Variants in AFDN observed in about 807,000 individuals in gnomAD.
AFDN encodes afadin.
Under a neutral mutation model 216.6 loss-of-function variants are expected in AFDN, and 68 were observed. That is an observed-to-expected ratio of 0.31 (90% CI 0.26 to 0.38). The LOEUF (loss-of-function observed/expected upper bound fraction) is 0.38. Ranked by LOEUF, AFDN falls within the 10% of genes least tolerant of loss-of-function variation. AFDN has a pLI of 1.00. For missense variants in AFDN, 2,136 were observed against 2,342.0 expected (o/e 0.91, Z 1.82); for synonymous variants, 868 against 853.7 (o/e 1.02, Z -0.29).
rs924558685 is a variant in AFDN, at chr6:167,951,039, T to G, written c.3832-147T>G. The G allele has an allele frequency of 7.2e-5, 89 of 1,227,980 alleles. 1 individual carries two copies. Among genetic ancestry groups the G allele is most frequent in the African/African-American group, 6.1e-4 (40 of 65,346 alleles). 76.1% of individuals were successfully genotyped at this position (1,227,980 alleles called of 1,614,324 possible). On this transcript the variant is annotated intron_variant, in intron 29 of 33. Coordinates refer to ENST00000683244, the MANE Select transcript of AFDN (RefSeq NM_001386888.1). This position sits in a 1 kb window ranked among gnomAD's most constrained non-coding sequence, Gnocchi z 7.1. Reference sequence around the variant, plus strand: ...CAGATAAATGCACTGTTACTCCACATTAGCCAATGAGCCTTGTAGGGCAGT... The same window carrying G: ...CAGATAAATGCACTGTTACTCCACAGTAGCCAATGAGCCTTGTAGGGCAGT...
chr6:167,902,300 T>TGA lies in AFDN; in HGVS notation c.1581-17_1581-16insGA. The TGA allele has an allele frequency of 6.3e-7, 1 of 1,593,868 alleles. No homozygotes were observed. The highest frequency in any genetic ancestry group is 8.6e-7 in the Non-Finnish European group (1 of 1,162,266). Reference sequence around the variant, plus strand: ...GAATGTTATTAAGTCAGTGTGTTTCTTGTTTTATCCCATCAGAATTGTTCA... The same window carrying TGA: ...GAATGTTATTAAGTCAGTGTGTTTCTGATGTTTTATCCCATCAGAATTGTTCA... On this transcript the variant is annotated splice_polypyrimidine_tract_variant and intron_variant, in intron 11 of 33. Transcript: ENST00000683244.
At position 167,943,825 on chromosome 6, in the gene AFDN, CA is replaced by C. The variant is rs1054299537; in HGVS notation, c.3240-112del. Reference sequence around the variant, plus strand: ...CTGTCTGGAAGTCAGAACCATTACTCAAAATAATAGATGAAGCTGTGTAACA... The same window carrying C: ...CTGTCTGGAAGTCAGAACCATTACTCAAATAATAGATGAAGCTGTGTAACA... On this transcript the variant is annotated intron_variant, in intron 25 of 33. Transcript: ENST00000683244. The C allele has an allele frequency of 5.5e-6, 5 of 913,074 alleles. No individual in the cohort carries two copies. The Admixed American group carries it at 8.7e-5, about 16-fold the overall frequency. The allele number at this position is 913,074 out of a possible 1,614,324, so 56.6% of individuals were successfully genotyped here. A position where few individuals can be genotyped will look rare whatever the true frequency, so the allele number is the denominator to read the frequency against.
At chr6:167,947,379 C>G (rs931933387) in intron 27 of AFDN, among the ~76,000 whole-genome samples, 5 of 152,074 alleles carry the variant, frequency 3.3e-5, no homozygotes, top group African/African-American at 9.7e-5. Context: ...CGGGGTTTCA[C>G]CATGTTAGCC....
rs140128554 is a variant in AFDN, at chr6:167,951,572, G to A, written c.4218G>A (p.Leu1406=). 3.1e-6 allele frequency: 5 copies of A among 1,613,834 alleles called. No homozygotes were observed. The African/African-American group carries it at 6.7e-5, about 22-fold the overall frequency. ...PPPPSANQIG[L]PSAQVAAAER... Reference sequence around the variant, plus strand: ...CCCCTTCCGCCAACCAGATAGGGCTGCCGTCTGCGCAGGTGGCTGCTGCTG... The same window carrying A: ...CCCCTTCCGCCAACCAGATAGGGCTACCGTCTGCGCAGGTGGCTGCTGCTG... Residue 1406 remains leucine (L), a synonymous_variant, in exon 30 of 34, where the codon CTG becomes CTA. Transcript: ENST00000683244. This position sits in a 1 kb window ranked among gnomAD's most constrained non-coding sequence, Gnocchi z 7.1.
chr6:167,952,616 C>CT, intron 30 of AFDN: 3 of 490,122 alleles, frequency 6.1e-6, no homozygotes, highest in Non-Finnish European at 7.9e-6. Context: ...GCTGTTGTAG[C>CT]ACAAAAGCAG....
chr6:167,863,285 G>A (rs1412956166), intron 1 of AFDN, among the ~76,000 whole-genome samples: 2 of 152,188 alleles, frequency 1.3e-5, no homozygotes, highest in Non-Finnish European at 2.9e-5. Context: ...CTGGTTCCAA[G>A]CATTTTGAAT....
chr6:167,963,729 T>C, intron 31 of AFDN: 1 of 1,061,752 alleles, frequency 9.4e-7, no homozygotes, highest in Non-Finnish European at 1.1e-6. Flanking sequence ...CTCAAAGAGT[T>C]TGAGCTTTCA....
At chr6:167,856,066 A>G (rs1440650073) in intron 1 of AFDN, among the ~76,000 whole-genome samples, 1 of 152,172 alleles carries the variant, frequency 6.6e-6, no homozygotes, top group African/African-American at 2.4e-5. Flanking sequence ...CGGGATGTGA[A>G]TCATCCCTTT....
chr6:167,947,043 C>T, intron 27 of AFDN, 142 bp downstream of exon 27: 1 of 686,946 alleles, frequency 1.5e-6, no homozygotes, highest in Non-Finnish European at 2.3e-6. Flanking sequence ...TAAGGGATAT[C>T]ATAAGTAACA....
intron 8 of AFDN, among the ~76,000 whole-genome samples, chr6:167,891,519 A>G (rs1431831653): frequency 6.6e-6 from 1 of 151,856 alleles, no homozygotes; most frequent in African/African-American, 2.4e-5. Flanking sequence ...TAAGAAACCC[A>G]TCTTAGTAAG....
intron 5 of AFDN, among the ~76,000 whole-genome samples, chr6:167,877,290 AAAGTGCTGGT>A (rs1338562731): frequency 6.6e-6 from 1 of 152,210 alleles, no homozygotes; most frequent in Non-Finnish European, 1.5e-5. Flanking sequence ...TTTGTCACAT[AAAGTGCTGGT>A]AGGATATGGG....
At chr6:167,835,021 A>C (rs571922737) in intron 1 of AFDN, among the ~76,000 whole-genome samples, 1 of 152,254 alleles carries the variant, frequency 6.6e-6, no homozygotes, top group East Asian at 1.9e-4. Flanking sequence ...TTGCACTTTG[A>C]ATGGTTCTTT....
intron 23 of AFDN, among the ~76,000 whole-genome samples, chr6:167,927,640 TGCGTGGGGCA>T (rs1173303877): frequency 1.3e-5 from 2 of 152,140 alleles, no homozygotes; most frequent in Non-Finnish European, 2.9e-5. Context: ...TTGAAGGTGA[TGCGTGGGGCA>T]TAGTAAGCTG....
At chr6:167,960,721 C>T (rs1180686060) in intron 30 of AFDN, among the ~76,000 whole-genome samples, 6 of 152,176 alleles carry the variant, frequency 3.9e-5, no homozygotes, top group Non-Finnish European at 4.4e-5. Context: ...ATCCTTTGCT[C>T]TGGCCCCTGG....
Position 167,915,273 on chromosome 6 carries a change from A to G in AFDN, c.2405A>G (p.Asn802Ser), listed in dbSNP as rs780727621. 22 of 1,614,090 alleles carry G rather than the reference A, an allele frequency of 1.4e-5. No homozygotes were observed. The highest frequency in any genetic ancestry group is 1.3e-5 in the African/African-American group (1 of 74,918). The change falls in exon 19 of 34, where the codon AAT (asparagine) becomes AGT (serine). Residue 802 changes from asparagine (N) to serine (S), a missense_variant. Around this residue, in one of 8 missense-constraint regions of AFDN, gnomAD observed 817 missense variants for 965.7 expected, o/e 0.85. Coordinates refer to ENST00000683244, the MANE Select transcript of AFDN (RefSeq NM_001386888.1). ...TTCTCTCAGCTCTTCCACTTCATCA[A>G]TATGTGGCTGTTCAATAGATTGGTG... Reference protein sequence around the residue: ...QLFSQLFHFINMWLFNRLVTD... With the variant: ...QLFSQLFHFISMWLFNRLVTD...
At chr6:167,937,812 C>T (rs564632472) in intron 23 of AFDN, among the ~76,000 whole-genome samples, 1 of 152,288 alleles carries the variant, frequency 6.6e-6, no homozygotes, top group Admixed American at 6.5e-5. Context: ...TTATTGCTAA[C>T]CCATATATAA....
chr6:167,874,214 A>T (rs1181317257), intron 4 of AFDN, among the ~76,000 whole-genome samples: 1 of 152,212 alleles, frequency 6.6e-6, no homozygotes, highest in Non-Finnish European at 1.5e-5. Context: ...ACTGGACTAC[A>T]TAGCGAGACC....
intron 1 of AFDN, among the ~76,000 whole-genome samples, chr6:167,828,181 A>G (rs1195872782): frequency 6.6e-6 from 1 of 152,232 alleles, no homozygotes; most frequent in Non-Finnish European, 1.5e-5. Flanking sequence ...AATCATTTTA[A>G]TAGCGTCTAT....
intron 7 of AFDN, 63 bp from the exon 8 acceptor site, chr6:167,890,799 C>CA: frequency 6.6e-7 from 1 of 1,509,746 alleles, no homozygotes; most frequent in Non-Finnish European, 9.0e-7. Context: ...AGTTGACTGC[C>CA]AGTCAGCGGG....
Sources: allele counts gnomAD v4.1 joint callset (sites outside exome capture counted in the v4.1 genomes callset), GRCh38; gene constraint gnomAD v4.1.1; regional missense constraint gnomAD v4.1.1; non-coding constraint Gnocchi (gnomAD v3.1); transcripts MANE v1.5; gene names NCBI Gene and HGNC (gene_info 2026-07-23, HGNC 2026-07-21).